EXTL3: variants seen among roughly 807,000 people sequenced by gnomAD.
EXTL3 encodes the protein exostosin like glycosyltransferase 3, also known as exostosin-like 3.
EXTL3 carries 27 observed loss-of-function variants against 69.3 expected under a neutral mutation model. That is an observed-to-expected ratio of 0.39 (90% CI 0.29 to 0.54). The LOEUF (loss-of-function observed/expected upper bound fraction) is 0.54. Among genes scored for constraint, EXTL3 ranks in the 20% least tolerant of loss-of-function variants. The pLI is 0.69. For missense variants in EXTL3, 1,003 were observed against 1,231.8 expected (o/e 0.81, Z 2.78); for synonymous variants, 511 against 499.4 (o/e 1.02, Z -0.31).
rs28513236 is a variant in EXTL3 at position 28,636,773 on chromosome 8, G to A, written c.-53+13963G>A. Among the ~76,000 whole-genome samples, 900 of 152,326 alleles carry A rather than the reference G, an allele frequency of 5.9e-3. 6 individuals are homozygous for A. Among genetic ancestry groups the A allele is most frequent in the African/African-American group, 0.02 (837 of 41,556 alleles). Reference sequence around the variant, plus strand: ...CGCCTGTAACCCCAGCACTTTGGGAGGCTGAGACAGGTGGATCACCTGAGG... The same window carrying A: ...CGCCTGTAACCCCAGCACTTTGGGAAGCTGAGACAGGTGGATCACCTGAGG... On this transcript the variant is annotated intron_variant, in intron 1 of 6. Coordinates refer to the EXTL3 transcript ENST00000523149.
intron 1 of EXTL3, among the ~76,000 whole-genome samples, chr8:28,645,462 A>G (rs1806813079): frequency 6.6e-6 from 1 of 152,196 alleles, no homozygotes; most frequent in South Asian, 2.1e-4. Context: ...ACAGATATTT[A>G]TGATTTATTA....
chr8:28,750,573 ATGGGAGTG>A lies in EXTL3; in HGVS notation c.2551-78_2551-71del. 1.8e-6 allele frequency: 2 copies of A among 1,119,722 alleles called. No individual in the cohort carries two copies. The highest frequency in any genetic ancestry group is 1.4e-6 in the Non-Finnish European group (1 of 738,646). 69.4% of individuals were successfully genotyped at this position (1,119,722 alleles called of 1,614,324 possible). On this transcript the variant is annotated intron_variant, in intron 6 of 6. Coordinates refer to ENST00000220562, the MANE Select transcript of EXTL3 (RefSeq NM_001440.4). This position sits in a 1 kb window ranked among gnomAD's most constrained non-coding sequence, Gnocchi z 5.2. ...GGGGATCAGCGTCTTCACCATGGAC[ATGGGAGTG>A]TGGGATCGGCTCAGCTGCAAGGGTT...
At chr8:28,642,438 A>C in intron 1 of EXTL3, among the ~76,000 whole-genome samples, 1 of 133,488 alleles carries the variant, frequency 7.5e-6, no homozygotes, top group African/African-American at 3.0e-5. Flanking sequence ...AGAGCGAAAC[A>C]CTGTCTCAAA....
chr8:28,651,561 G>C (rs374413786), intron 1 of EXTL3, among the ~76,000 whole-genome samples: 1 of 152,154 alleles, frequency 6.6e-6, no homozygotes, highest in Admixed American at 6.5e-5. Flanking sequence ...CTGGGCTCAA[G>C]TGATCCTCCT....
chr8:28,616,744 T>G (rs1205793415), intron 2 of EXTL3, among the ~76,000 whole-genome samples: 2 of 151,890 alleles, frequency 1.3e-5, no homozygotes, highest in Non-Finnish European at 2.9e-5. Context: ...GTGCGCTGAG[T>G]ATAGATTTGG....
intron 1 of EXTL3, among the ~76,000 whole-genome samples, chr8:28,627,187 CAA>C (rs565028159): frequency 7.5e-6 from 1 of 133,508 alleles, no homozygotes; most frequent in Non-Finnish European, 1.6e-5. Flanking sequence ...GACTCCATCT[CAA>C]AAAAAAAAAA....
intron 1 of EXTL3, among the ~76,000 whole-genome samples, chr8:28,684,741 C>T (rs563201678): frequency 6.6e-6 from 1 of 152,064 alleles, no homozygotes; most frequent in East Asian, 1.9e-4. Flanking sequence ...GACCCTGCCT[C>T]AGAAAAAATA....
chr8:28,688,060 C>CT (rs149041444), intron 1 of EXTL3, among the ~76,000 whole-genome samples: 30,151 of 131,866 alleles, frequency 0.23, 3,586 homozygotes, highest in Middle Eastern at 0.3. Flanking sequence ...GAAGAGATGA[C>CT]TTTTTTTTTT....
intron 1 of EXTL3, among the ~76,000 whole-genome samples, chr8:28,624,414 A>C (rs550038805): frequency 6.6e-6 from 1 of 152,036 alleles, no homozygotes; most frequent in African/African-American, 2.4e-5. Context: ...AAATGAAAAA[A>C]TTAGCCGGCA....
At chr8:28,687,585 C>T (rs1371514747) in intron 1 of EXTL3, among the ~76,000 whole-genome samples, 1 of 152,180 alleles carries the variant, frequency 6.6e-6, no homozygotes, top group African/African-American at 2.4e-5. Flanking sequence ...AAACCTTAGA[C>T]AATAAATTTA....
intron 2 of EXTL3, among the ~76,000 whole-genome samples, chr8:28,612,444 G>A (rs1045300115): frequency 1.1e-4 from 16 of 149,444 alleles, no homozygotes; most frequent in South Asian, 1.1e-3. Context: ...CCTGGGTGAC[G>A]GAGCGAGACT....
chr8:28,643,128 C>T (rs1344034115), intron 1 of EXTL3, among the ~76,000 whole-genome samples: 3 of 152,080 alleles, frequency 2.0e-5, no homozygotes, highest in Non-Finnish European at 4.4e-5. Flanking sequence ...CCTGTAATTC[C>T]AGCTACTCAA....
chr8:28,743,335 C>T (rs1801818408), intron 6 of EXTL3, 121 bp downstream of exon 6: 2 of 1,109,312 alleles, frequency 1.8e-6, no homozygotes, highest in Non-Finnish European at 2.7e-6. Context: ...AGGGATGATA[C>T]TACCTACCTC....
intron 1 of EXTL3, among the ~76,000 whole-genome samples, chr8:28,693,369 C>T (rs916194606): frequency 1.3e-5 from 2 of 152,132 alleles, no homozygotes; most frequent in African/African-American, 4.8e-5. Context: ...AGTGTGGTCT[C>T]AAACTCCTGA....
At chr8:28,700,717 T>G (rs1185135170), upstream of EXTL3, 1 of 152,218 alleles carries the variant, frequency 6.6e-6, no homozygotes, top group Non-Finnish European at 1.5e-5. Context: ...ATACTGCAGT[T>G]ACAGGTTTTA....
chr8:28,731,566 C>G (rs1403916145), intron 4 of EXTL3, among the ~76,000 whole-genome samples: 1 of 152,182 alleles, frequency 6.6e-6, no homozygotes, highest in South Asian at 2.1e-4. Context: ...ACAGGCCTTT[C>G]CTCTGTGGCC....
intron 1 of EXTL3, among the ~76,000 whole-genome samples, chr8:28,675,132 T>C (rs533866272): frequency 6.6e-6 from 1 of 152,182 alleles, no homozygotes; most frequent in South Asian, 2.1e-4. Context: ...GGGATAATGG[T>C]GGTGAGGAGA....
intron 1 of EXTL3, chr8:28,678,059 A>G (rs944524344): frequency 6.6e-6 from 1 of 152,322 alleles, no homozygotes; most frequent in Non-Finnish European, 1.5e-5. Context: ...TTCTTTCTCC[A>G]TGAATTGAAC....
At chr8:28,705,401 G>A (rs911827289) in intron 1 of EXTL3, among the ~76,000 whole-genome samples, 6 of 152,128 alleles carry the variant, frequency 3.9e-5, no homozygotes, top group African/African-American at 9.7e-5. Flanking sequence ...CCCACAAAGG[G>A]TGAAGGAGAA....
Sources: allele counts gnomAD v4.1 joint callset (sites outside exome capture counted in the v4.1 genomes callset), GRCh38; gene constraint gnomAD v4.1.1; non-coding constraint Gnocchi (gnomAD v3.1); transcripts MANE v1.5; gene names NCBI Gene and HGNC (gene_info 2026-07-23, HGNC 2026-07-21).